The following SPRED1 variants were observed in gnomAD, a reference collection of about 807,000 sequenced individuals.
The protein encoded by SPRED1 is sprouty related EVH1 domain containing 1, also known as sprouty-related, EVH1 domain-containing protein 1.
SPRED1 carries 18 observed loss-of-function variants against 52.3 expected under a neutral mutation model. The observed-to-expected ratio is 0.34, with a 90% CI of 0.24 to 0.51. The LOEUF (loss-of-function observed/expected upper bound fraction) is 0.51, where lower values mean the gene tolerates loss of function less well. SPRED1 is among the 20% of genes least tolerant of loss of function. SPRED1 has a pLI of 0.97. For missense variants in SPRED1, 485 were observed against 551.0 expected, an observed-to-expected ratio of 0.88 and a Z score of 1.20; for synonymous variants, 155 against 179.7, an observed-to-expected ratio of 0.86 and a Z score of 1.10.
At chr15:38,301,968 G>A (rs10520054) in intron 2 of SPRED1, among the ~76,000 whole-genome samples, 13,764 of 151,460 alleles carry the variant, frequency 0.091, 756 homozygotes, top group East Asian at 0.21. Flanking sequence ...AAGCCTTCTC[G>A]GTGAATAAAC....
Position 38,338,038 on chromosome 15 carries a change from TAA to T in SPRED1, c.424-1675_424-1674del, listed in dbSNP as rs66632536. Among the ~76,000 whole-genome samples the T allele has an allele frequency of 9.9e-4, 88 of 88,866 alleles. 1 individual carries two copies. Among genetic ancestry groups the T allele is most frequent in the East Asian group, 2.0e-3 (6 of 2,946 alleles). The allele number at this position is 88,866 out of a possible 152,430, so 58.3% of individuals were successfully genotyped here. A position where few individuals can be genotyped will look rare whatever the true frequency, so the allele number is the denominator to read the frequency against. On this transcript the variant is annotated intron_variant, in intron 4 of 6. Coordinates refer to ENST00000299084, the MANE Select transcript of SPRED1 (RefSeq NM_152594.3). ...CAACATAGTGAAACCCCATTGCTAC[TAA>T]AAAAAAAAAAAAAAAAAAAAAAATA...
intron 1 of SPRED1, chr15:38,298,412 C>A: frequency 3.9e-6 from 1 of 257,134 alleles, no homozygotes; most frequent in Non-Finnish European, 7.5e-6. Flanking sequence ...TTTATAACAG[C>A]TTTATTCATA....
At chr15:38,286,068 G>A (rs1445897690) in intron 1 of SPRED1, among the ~76,000 whole-genome samples, 1 of 151,816 alleles carries the variant, frequency 6.6e-6, no homozygotes, top group African/African-American at 2.4e-5. Context: ...ACATAGTGAG[G>A]CCCTGTCTCT....
intron 2 of SPRED1, among the ~76,000 whole-genome samples, chr15:38,302,839 G>A (rs1895174208): frequency 6.6e-6 from 1 of 152,088 alleles, no homozygotes; most frequent in Admixed American, 6.6e-5. Flanking sequence ...AGACACTTGG[G>A]GATGGAATGA....
intron 5 of SPRED1, among the ~76,000 whole-genome samples, chr15:38,341,618 G>C (rs938080488): frequency 8.6e-5 from 13 of 151,996 alleles, no homozygotes; most frequent in Admixed American, 5.9e-4. Flanking sequence ...ATGATGATAT[G>C]CCCTATTTTT....
intron 1 of SPRED1, among the ~76,000 whole-genome samples, chr15:38,280,331 C>T (rs2140963938): frequency 6.6e-6 from 1 of 152,120 alleles, no homozygotes; most frequent in South Asian, 2.1e-4. Flanking sequence ...TGAAAATCTC[C>T]AAAAACACTA....
At chr15:38,334,129 G>C (rs982268025) in intron 4 of SPRED1, among the ~76,000 whole-genome samples, 2 of 151,946 alleles carry the variant, frequency 1.3e-5, no homozygotes, top group Non-Finnish European at 2.9e-5. Context: ...ACATGTCAAG[G>C]TGAATGAATT....
chr15:38,266,556 T>C (rs1386708076), intron 1 of SPRED1, among the ~76,000 whole-genome samples: 2 of 152,128 alleles, frequency 1.3e-5, no homozygotes, highest in Non-Finnish European at 2.9e-5. Flanking sequence ...GCATGAGAAA[T>C]GCCTGAACCC....
chr15:38,282,546 T>C (rs1030132091), intron 1 of SPRED1, among the ~76,000 whole-genome samples: 2 of 152,048 alleles, frequency 1.3e-5, no homozygotes, highest in Non-Finnish European at 2.9e-5. Context: ...CTCATGCTAC[T>C]CAAGAAGCCA....
At chr15:38,291,899 A>G (rs1258375854) in intron 1 of SPRED1, among the ~76,000 whole-genome samples, 1 of 152,212 alleles carries the variant, frequency 6.6e-6, no homozygotes, top group Non-Finnish European at 1.5e-5. Flanking sequence ...GGGGATTAAC[A>G]TTAGGCTCCT....
intron 4 of SPRED1, among the ~76,000 whole-genome samples, chr15:38,339,374 A>AT (rs1421441921): frequency 2.0e-5 from 3 of 152,128 alleles, no homozygotes; most frequent in Non-Finnish European, 4.4e-5. Context: ...TAAAACATAG[A>AT]TTTGTGTTTT....
At chr15:38,256,663 T>C (rs1894102471) in intron 1 of SPRED1, among the ~76,000 whole-genome samples, 1 of 152,184 alleles carries the variant, frequency 6.6e-6, no homozygotes, top group African/African-American at 2.4e-5. Context: ...TAATCTGAGT[T>C]TGAACTGTTT....
intron 4 of SPRED1, among the ~76,000 whole-genome samples, chr15:38,330,268 T>G (rs1895782169): frequency 6.6e-6 from 1 of 152,192 alleles, no homozygotes; most frequent in Non-Finnish European, 1.5e-5. Flanking sequence ...TTGCTGCATT[T>G]TTTATATTCC....
chr15:38,327,933 A>G (rs1405648913), intron 4 of SPRED1, among the ~76,000 whole-genome samples: 1 of 152,226 alleles, frequency 6.6e-6, no homozygotes, highest in Non-Finnish European at 1.5e-5. Context: ...TACAACTGCA[A>G]AAGAAAACTC....
intron 1 of SPRED1, among the ~76,000 whole-genome samples, chr15:38,269,825 T>G (rs1894392152): frequency 6.6e-6 from 1 of 152,106 alleles, no homozygotes; most frequent in Admixed American, 6.5e-5. Context: ...AATTTTAAAT[T>G]TTATTTAATT....
chr15:38,295,276 A>C (rs1895010562), intron 1 of SPRED1, among the ~76,000 whole-genome samples: 1 of 150,940 alleles, frequency 6.6e-6, no homozygotes. Context: ...ATAAACTTTA[A>C]AAAAAATCAC....
intron 2 of SPRED1, among the ~76,000 whole-genome samples, chr15:38,312,528 T>C (rs1392013655): frequency 6.6e-6 from 1 of 152,114 alleles, no homozygotes; most frequent in Non-Finnish European, 1.5e-5. Context: ...CTACAGTATC[T>C]ATAAAAGGTG....
chr15:38,285,843 A>G (rs778425210), intron 1 of SPRED1, among the ~76,000 whole-genome samples: 1 of 152,218 alleles, frequency 6.6e-6, no homozygotes, highest in African/African-American at 2.4e-5. Flanking sequence ...TCAATTTCCA[A>G]TAAACGAACA....
chr15:38,343,485 A>C (rs767202263), intron 5 of SPRED1, among the ~76,000 whole-genome samples: 1 of 152,192 alleles, frequency 6.6e-6, no homozygotes, highest in Non-Finnish European at 1.5e-5. Context: ...AGTGAAGTTT[A>C]GGTAGAGTTA....
Sources: allele counts gnomAD v4.1 joint callset (sites outside exome capture counted in the v4.1 genomes callset), GRCh38; gene constraint gnomAD v4.1.1; transcripts MANE v1.5; gene names NCBI Gene and HGNC (gene_info 2026-07-23, HGNC 2026-07-21).